Variants in SRGAP2C observed in about 807,000 individuals in gnomAD.
SRGAP2C encodes the protein SLIT-ROBO Rho GTPase activating protein 2C.
Under a neutral mutation model 25.1 loss-of-function variants are expected in SRGAP2C, and 15 were observed. The observed-to-expected ratio is 0.60, with a 90% confidence interval of 0.40 to 0.92. The LOEUF (loss-of-function observed/expected upper bound fraction) is 0.92, where lower values mean the gene tolerates loss of function less well. Among genes scored for constraint, SRGAP2C ranks in the 40% least tolerant of loss-of-function variants. The pLI is 0.00. For missense variants in SRGAP2C, 144 were observed against 264.4 expected (o/e 0.54, Z 3.16); for synonymous variants, 44 against 96.6 (o/e 0.46, Z 3.19).
intron 2 of SRGAP2C, among the ~76,000 whole-genome samples, chr1:121,277,338 G>A (rs1274883942): frequency 4.0e-5 from 6 of 151,864 alleles, no homozygotes; most frequent in Non-Finnish European, 7.4e-5. Flanking sequence ...ATCCATTACC[G>A]CCCCTTTGCA....
At chr1:121,259,735 A>G (rs1656568756) in intron 2 of SRGAP2C, among the ~76,000 whole-genome samples, 1 of 151,284 alleles carries the variant, frequency 6.6e-6, no homozygotes, top group African/African-American at 2.4e-5. Flanking sequence ...TGATGAATAT[A>G]TAAATTGCTA....
At chr1:121,355,033 C>T (rs1659029828) in intron 4 of SRGAP2C, among the ~76,000 whole-genome samples, 1 of 79,342 alleles carries the variant, frequency 1.3e-5, no homozygotes, top group East Asian at 4.5e-4. Context: ...GAGACTCTGT[C>T]TCAAAAAAGA....
chr1:121,367,851 G>A (rs1429926503), intron 5 of SRGAP2C, among the ~76,000 whole-genome samples: 4 of 143,286 alleles, frequency 2.8e-5, no homozygotes, highest in African/African-American at 5.3e-5. Context: ...GAGGCAGGCA[G>A]ATCACGAGGT....
chr1:121,329,205 C>T (rs1553341980), intron 4 of SRGAP2C, among the ~76,000 whole-genome samples: 4 of 150,836 alleles, frequency 2.7e-5, no homozygotes, highest in Admixed American at 2.0e-4. Context: ...AGCAAGACTT[C>T]GTCTCAGAAA....
chr1:121,271,225 A>G (rs1656950041), intron 2 of SRGAP2C, among the ~76,000 whole-genome samples: 1 of 148,914 alleles, frequency 6.7e-6, no homozygotes, highest in Admixed American at 6.7e-5. Context: ...TAGATCAGCA[A>G]CTTCTTTGCT....
chr1:121,293,118 C>T (rs1269648943), intron 3 of SRGAP2C, among the ~76,000 whole-genome samples: 1 of 131,694 alleles, frequency 7.6e-6, no homozygotes, highest in African/African-American at 3.0e-5. Context: ...ACAGTTGAGA[C>T]AATGGAGAAG....
intron 2 of SRGAP2C, among the ~76,000 whole-genome samples, chr1:121,222,830 G>A: frequency 6.6e-6 from 1 of 151,624 alleles, no homozygotes; most frequent in South Asian, 2.1e-4. Flanking sequence ...GGTACAAATA[G>A]GGATGCTGCA....
intron 4 of SRGAP2C, among the ~76,000 whole-genome samples, chr1:121,352,983 G>C (rs1185563114): frequency 8.7e-5 from 13 of 150,170 alleles, no homozygotes; most frequent in African/African-American, 2.9e-4. Flanking sequence ...CCAGCTACTT[G>C]GGAGGCTGAG....
intron 3 of SRGAP2C, among the ~76,000 whole-genome samples, chr1:121,304,324 G>GAC (rs1397065868): frequency 1.4e-5 from 2 of 145,600 alleles, no homozygotes; most frequent in African/African-American, 5.1e-5. Context: ...TGAGGGCCAA[G>GAC]ACACAATGTT....
At chr1:121,289,379 G>A (rs1403887142) in intron 3 of SRGAP2C, among the ~76,000 whole-genome samples, 1 of 151,858 alleles carries the variant, frequency 6.6e-6, no homozygotes, top group African/African-American at 2.4e-5. Flanking sequence ...GGGGCCAGCA[G>A]GGCTGGCTGG....
chr1:121,340,385 A>G (rs1570792795), intron 4 of SRGAP2C, among the ~76,000 whole-genome samples: 1 of 151,916 alleles, frequency 6.6e-6, no homozygotes, highest in African/African-American at 2.4e-5. Context: ...GAAAAAAAAA[A>G]GTATTGCTTT....
chr1:121,202,045 A>C (rs587730903), intron 2 of SRGAP2C, among the ~76,000 whole-genome samples: 2 of 152,338 alleles, frequency 1.3e-5, no homozygotes, highest in East Asian at 3.9e-4. Context: ...GCTGTCAGCT[A>C]ACCTTTAAAA....
chr1:121,305,307 G>T (rs1437310078), intron 3 of SRGAP2C, among the ~76,000 whole-genome samples: 16 of 129,138 alleles, frequency 1.2e-4, no homozygotes, highest in Non-Finnish European at 2.6e-4. Context: ...TTAGGATAAT[G>T]TTGATCTGGC....
chr1:121,206,191 C>G (rs1553322470), intron 2 of SRGAP2C, among the ~76,000 whole-genome samples: 1 of 151,852 alleles, frequency 6.6e-6, no homozygotes, highest in Non-Finnish European at 1.5e-5. Flanking sequence ...TCCACCCTCA[C>G]CCCCACCCCC....
chr1:121,374,609 C>T (rs1414674590), intron 6 of SRGAP2C, among the ~76,000 whole-genome samples: 4 of 152,134 alleles, frequency 2.6e-5, no homozygotes, highest in Non-Finnish European at 5.9e-5. Flanking sequence ...CAAAGCGGGG[C>T]ACGCATCTTA....
chr1:121,332,144 A>G (rs1658447179), intron 4 of SRGAP2C, among the ~76,000 whole-genome samples: 1 of 104,210 alleles, frequency 9.6e-6, no homozygotes, highest in Non-Finnish European at 1.9e-5. Flanking sequence ...AAAAATACCC[A>G]TGCCAAGACC....
intron 2 of SRGAP2C, among the ~76,000 whole-genome samples, chr1:121,225,764 G>A (rs372064284): frequency 1.4e-5 from 2 of 147,256 alleles, no homozygotes; most frequent in African/African-American, 5.1e-5. Flanking sequence ...CCAGGCTGGA[G>A]TGTGATCTCA....
chr1:121,222,391 G>T (rs1175163709), intron 2 of SRGAP2C, among the ~76,000 whole-genome samples: 4 of 152,138 alleles, frequency 2.6e-5, no homozygotes, highest in Non-Finnish European at 2.9e-5. Flanking sequence ...CACTTTGGGA[G>T]GCTGAGGTGG....
chr1:121,282,506 C>T (rs1470879783), intron 2 of SRGAP2C, among the ~76,000 whole-genome samples: 2 of 150,820 alleles, frequency 1.3e-5, no homozygotes, highest in Non-Finnish European at 3.0e-5. Flanking sequence ...ACATCTGTTA[C>T]TGATTCAGTA....
Sources: gnomAD v4.1 joint callset for allele counts (sites outside exome capture counted in the v4.1 genomes callset) on GRCh38, gnomAD v4.1.1 for gene constraint, MANE v1.5 for transcripts, NCBI Gene and HGNC (gene_info 2026-07-23, HGNC 2026-07-21) for gene names.